PPP1R37: variants seen among roughly 807,000 people sequenced by gnomAD.
PPP1R37 encodes leucine rich repeat containing 68.
A neutral mutation model predicts 61.0 loss-of-function variants in PPP1R37; 21 were observed. The observed-to-expected ratio is 0.34, with a 90% CI of 0.24 to 0.50. The LOEUF is 0.50. Ranked by LOEUF, PPP1R37 falls within the 20% of genes least tolerant of loss-of-function variation. The pLI, the probability that PPP1R37 is intolerant of heterozygous loss-of-function variation, is 0.98. For missense variants in PPP1R37, 910 were observed against 952.7 expected (o/e 0.96, Z 0.59); for synonymous variants, 443 against 433.5 (o/e 1.02, Z -0.27).
chr19:45,135,707 G>A (rs527918515), intron 1 of PPP1R37, among the ~76,000 whole-genome samples: 7 of 152,184 alleles, frequency 4.6e-5, no homozygotes, highest in South Asian at 2.1e-4. Flanking sequence ...CACGAAGTCC[G>A]TGGGCAGCGC....
At chr19:45,099,628 G>A (rs540070764) in intron 1 of PPP1R37, among the ~76,000 whole-genome samples, 2 of 152,208 alleles carry the variant, frequency 1.3e-5, no homozygotes, top group African/African-American at 2.4e-5. Flanking sequence ...CAGTTGGGCC[G>A]CCTGATTCTT....
intron 1 of PPP1R37, among the ~76,000 whole-genome samples, chr19:45,122,100 G>A (rs1968348845): frequency 6.6e-6 from 1 of 152,174 alleles, no homozygotes; most frequent in Non-Finnish European, 1.5e-5. Flanking sequence ...GGCCTTGTGT[G>A]GTTCTGTCCC....
At chr19:45,141,914 T>A (rs1263639960) in intron 5 of PPP1R37, 147 bp from the exon 6 acceptor site, 1 of 916,432 alleles carries the variant, frequency 1.1e-6, no homozygotes, top group African/African-American at 1.7e-5. Flanking sequence ...CAAGGCGACA[T>A]AGCCAGACGA....
At chr19:45,111,170 C>G (rs1806312472) in intron 1 of PPP1R37, among the ~76,000 whole-genome samples, 1 of 152,178 alleles carries the variant, frequency 6.6e-6, no homozygotes, top group African/African-American at 2.4e-5. Context: ...CTTCAGTTCC[C>G]CAAGGCTCCA....
chr19:45,145,355 G>A lies in PPP1R37; in HGVS notation c.1299G>A (p.Val433=), dbSNP rs769167916. The change falls in exon 11 of 13, where the codon GTG becomes GTA. Residue 433 remains valine (V), a splice_region_variant and synonymous_variant. Coordinates refer to ENST00000221462, the MANE Select transcript of PPP1R37 (RefSeq NM_019121.2). ...DLDREPKKEA[V]KSFIETQKAL... is the part of the protein sequence containing the mutation. The stretch of plus-strand genomic sequence containing the variant: ...CTAGCCAGGCGCTCCCGCCACAGGT[G>A]AAGAGCTTCATCGAGACGCAGAAGG... The A allele has an allele frequency of 1.3e-6, 2 of 1,534,412 alleles. No individual in the cohort carries two copies. Among genetic ancestry groups the A allele is most frequent in the South Asian group, 1.2e-5 (1 of 83,936 alleles).
chr19:45,099,551 G>A (rs1339285158), intron 1 of PPP1R37, among the ~76,000 whole-genome samples: 1 of 152,208 alleles, frequency 6.6e-6, no homozygotes, highest in Non-Finnish European at 1.5e-5. Flanking sequence ...TATTGTGCTG[G>A]TGCCTGTCCT....
chr19:45,141,605 G>T (rs1003516951), intron 5 of PPP1R37, among the ~76,000 whole-genome samples, 164 bp downstream of exon 5: 2 of 152,134 alleles, frequency 1.3e-5, no homozygotes, highest in South Asian at 4.1e-4. Flanking sequence ...GGGCCGAGAG[G>T]TGTCCTGGCC....
chr19:45,127,505 T>C (rs528375471), intron 1 of PPP1R37, among the ~76,000 whole-genome samples: 237 of 152,238 alleles, frequency 1.6e-3, no homozygotes, highest in African/African-American at 5.5e-3. Context: ...TAGGTATTTG[T>C]GTATATGAAC....
chr19:45,141,623 C>T (rs1395997556), intron 5 of PPP1R37, among the ~76,000 whole-genome samples, 182 bp downstream of exon 5: 2 of 152,204 alleles, frequency 1.3e-5, no homozygotes, highest in African/African-American at 2.4e-5. Flanking sequence ...GCCCCCAGGC[C>T]CCCTGGCCCC....
chr19:45,123,388 C>T (rs954486616), intron 1 of PPP1R37, among the ~76,000 whole-genome samples: 15 of 152,224 alleles, frequency 9.9e-5, no homozygotes, highest in African/African-American at 3.4e-4. Context: ...GGGCAGGACC[C>T]GCTCTCCACA....
intron 1 of PPP1R37, among the ~76,000 whole-genome samples, chr19:45,128,015 G>A (rs1247327827): frequency 1.3e-5 from 2 of 151,298 alleles, no homozygotes; most frequent in Non-Finnish European, 2.9e-5. Context: ...GAGGTGATAT[G>A]CTAATTACCC....
chr19:45,101,700 A>G (rs1261939451), intron 1 of PPP1R37, among the ~76,000 whole-genome samples: 1 of 148,520 alleles, frequency 6.7e-6, no homozygotes, highest in Non-Finnish European at 1.5e-5. Flanking sequence ...CCTATGTGAC[A>G]GAGTGAGACC....
intron 11 of PPP1R37, 39 bp downstream of exon 11, chr19:45,146,088 G>A: frequency 6.8e-7 from 1 of 1,478,018 alleles, no homozygotes; most frequent in Non-Finnish European, 9.0e-7. Flanking sequence ...GGGGCCCTGG[G>A]TGCTGTATGT....
At chr19:45,103,920 T>A (rs1288257481) in intron 1 of PPP1R37, among the ~76,000 whole-genome samples, 2 of 152,058 alleles carry the variant, frequency 1.3e-5, no homozygotes, top group Non-Finnish European at 2.9e-5. Context: ...CCCCCAGGGC[T>A]CCACTGTAAC....
chr19:45,110,847 A>G (rs765027080), intron 1 of PPP1R37, among the ~76,000 whole-genome samples: 1 of 151,982 alleles, frequency 6.6e-6, no homozygotes, highest in Non-Finnish European at 1.5e-5. Flanking sequence ...AATCTAAAGC[A>G]CTCCCAAAGC....
chr19:45,097,463 G>A (rs993037376), intron 1 of PPP1R37, among the ~76,000 whole-genome samples: 19 of 151,954 alleles, frequency 1.3e-4, no homozygotes, highest in African/African-American at 4.1e-4. Flanking sequence ...GTCTCCTTCA[G>A]CAGAGCCTCA....
intron 1 of PPP1R37, among the ~76,000 whole-genome samples, chr19:45,103,462 C>T (rs1008315833): frequency 1.3e-5 from 2 of 152,214 alleles, no homozygotes; most frequent in Non-Finnish European, 2.9e-5. Flanking sequence ...GGGTCGGACT[C>T]GTGTGCCACC....
At position 45,142,113 on chromosome 19, in the gene PPP1R37, C is replaced by T. The variant is rs558677254; in HGVS notation, c.620C>T (p.Ser207Leu). ...DARNTPLLDH[S>L]APFVARALRI... ...CGCAACACGCCCCTGCTGGACCACT[C>T]GGCGCCCTTCGTGGCCCGTGCCCTG... Residue 207 changes from serine to leucine, a missense_variant, in exon 6 of 13, where the codon TCG (serine) becomes TTG (leucine). Transcript: ENST00000221462. The T allele has an allele frequency of 4.6e-5, 71 of 1,534,322 alleles. No individual in the cohort carries two copies. In the Middle Eastern group the frequency reaches 5.4e-4, roughly 12 times the overall value.
At chr19:45,097,249 G>A (rs1968004101) in intron 1 of PPP1R37, among the ~76,000 whole-genome samples, 1 of 151,994 alleles carries the variant, frequency 6.6e-6, no homozygotes, top group South Asian at 2.1e-4. Context: ...GACAGGGGGT[G>A]TCATTTGAGC....
Sources: allele counts gnomAD v4.1 joint callset (sites outside exome capture counted in the v4.1 genomes callset), GRCh38; gene constraint gnomAD v4.1.1; transcripts MANE v1.5; gene names NCBI Gene and HGNC (gene_info 2026-07-23, HGNC 2026-07-21).